Variants in KIAA0232 observed in about 807,000 individuals in gnomAD.
KIAA0232 encodes the protein uncharacterized protein KIAA0232.
In KIAA0232, 27 loss-of-function variants were observed where a neutral mutation model predicts 122.0. The ratio of observed to expected loss-of-function variants is 0.22; its 90% CI spans 0.16 to 0.31. The LOEUF (loss-of-function observed/expected upper bound fraction) is 0.31. Among genes scored for constraint, KIAA0232 ranks in the 10% least tolerant of loss-of-function variants. The pLI is 1.00. For missense variants in KIAA0232, 1,551 were observed against 1,634.2 expected (o/e 0.95, Z 0.88); for synonymous variants, 613 against 587.6 (o/e 1.04, Z -0.63).
rs758243281 is a variant in KIAA0232, at chr4:6,876,690, G to A, written c.3941G>A (p.Gly1314Asp). 1 of 1,613,034 alleles carries A rather than the reference G, an allele frequency of 6.2e-7. No homozygotes were observed. ...TACACAAATGCCAAGGGAGAGAGTG[G>A]TTTAGAAGAATATCCAGATGCTAAA... ...ECYTNAKGES[G>D]LEEYPDAKET... The change falls in exon 9 of 10, where the codon GGT becomes GAT. Residue 1314 changes from glycine (G) to aspartate (D), a missense_variant. Transcript: ENST00000307659.
At chr4:6,857,452 G>T (rs1720624312) in intron 5 of KIAA0232, among the ~76,000 whole-genome samples, 1 of 152,114 alleles carries the variant, frequency 6.6e-6, no homozygotes, top group African/African-American at 2.4e-5. Flanking sequence ...ACCAAGGGAG[G>T]GACTTAGTCC....
At position 6,862,229 on chromosome 4, in the gene KIAA0232, C is replaced by G. The variant is rs541080497; in HGVS notation, c.1847C>G (p.Pro616Arg). Reference protein sequence around the residue: ...FGGDSPVRLSPILDSTVLNSH... With the variant: ...FGGDSPVRLSRILDSTVLNSH... The stretch of plus-strand genomic sequence containing the variant: ...GGAGACTCTCCAGTTAGACTCTCTC[C>G]CATCTTAGACAGCACAGTGCTCAAT... Residue 616 changes from proline to arginine, a missense_variant, in exon 7 of 10, where the codon CCC becomes CGC. Pro to Arg is a moderately radical substitution (Grantham distance 103, BLOSUM62 -2). Coordinates refer to ENST00000307659, the MANE Select transcript of KIAA0232 (RefSeq NM_014743.3). 2.5e-6 allele frequency: 4 copies of G among 1,614,110 alleles called. No homozygotes were observed. The East Asian group carries it at 8.9e-5, about 36-fold the overall frequency.
At chr4:6,879,805 C>A in intron 9 of KIAA0232, among the ~76,000 whole-genome samples, 1 of 124,404 alleles carries the variant, frequency 8.0e-6, no homozygotes. Context: ...ACTCCCTTCC[C>A]AACACACCCA....
intron 9 of KIAA0232, among the ~76,000 whole-genome samples, chr4:6,877,279 C>T (rs949636441): frequency 3.3e-5 from 5 of 152,198 alleles, no homozygotes; most frequent in African/African-American, 9.7e-5. Flanking sequence ...ACTTGCGTTC[C>T]GTTTCTGCAT....
At chr4:6,866,467 G>A (rs1373838852) in intron 7 of KIAA0232, among the ~76,000 whole-genome samples, 4 of 152,184 alleles carry the variant, frequency 2.6e-5, no homozygotes, top group African/African-American at 7.2e-5. Flanking sequence ...GAGGCTGAGT[G>A]ACCTGAAGGG....
At chr4:6,872,989 T>C (rs2108836185) in intron 8 of KIAA0232, among the ~76,000 whole-genome samples, 1 of 152,330 alleles carries the variant, frequency 6.6e-6, no homozygotes, top group East Asian at 1.9e-4. Flanking sequence ...ATCTGGGTCA[T>C]AAGGAGAGCG....
chr4:6,831,773 C>T (rs1486619536), intron 3 of KIAA0232, among the ~76,000 whole-genome samples: 2 of 152,220 alleles, frequency 1.3e-5, no homozygotes, highest in African/African-American at 2.4e-5. Context: ...CAACCCCTTC[C>T]TCTTGCTTGG....
chr4:6,860,690 C>G (rs568150895), intron 6 of KIAA0232, among the ~76,000 whole-genome samples: 1 of 152,298 alleles, frequency 6.6e-6, no homozygotes, highest in South Asian at 2.1e-4. Context: ...GTGCGTATCA[C>G]AGTGCTGAGC....
chr4:6,799,679 GT>G (rs1717289327), intron 1 of KIAA0232, among the ~76,000 whole-genome samples: 1 of 151,918 alleles, frequency 6.6e-6, no homozygotes, highest in African/African-American at 2.4e-5. Context: ...TTTGAGATTA[GT>G]TGGGTTTTTT....
intron 2 of KIAA0232, among the ~76,000 whole-genome samples, chr4:6,818,067 A>C (rs1334822638): frequency 6.6e-6 from 1 of 152,002 alleles, no homozygotes; most frequent in Non-Finnish European, 1.5e-5. Context: ...TTTAAAGTGG[A>C]TTTTATACAC....
At chr4:6,848,372 C>T (rs1034976115) in intron 4 of KIAA0232, among the ~76,000 whole-genome samples, 1 of 152,172 alleles carries the variant, frequency 6.6e-6, no homozygotes, top group Non-Finnish European at 1.5e-5. Flanking sequence ...ATGAGTTCTA[C>T]ATCTGTGGAG....
At chr4:6,787,494 C>G (rs1716680755) in intron 1 of KIAA0232, among the ~76,000 whole-genome samples, 1 of 152,212 alleles carries the variant, frequency 6.6e-6, no homozygotes, top group Admixed American at 6.5e-5. Context: ...CATCCTTACA[C>G]AGATACAAGG....
intron 6 of KIAA0232, among the ~76,000 whole-genome samples, chr4:6,860,457 G>A (rs191431483): frequency 5.8e-4 from 88 of 152,332 alleles, no homozygotes; most frequent in Middle Eastern, 6.8e-3. Flanking sequence ...TGGGAGGTAA[G>A]TCATAGGATC....
chr4:6,824,332 A>G lies in KIAA0232; in HGVS notation c.-122A>G, dbSNP rs1329416351. On this transcript the variant is annotated 5_prime_UTR_variant, in exon 3 of 10. The change abolishes an upstream ATG in the 5' untranslated region. Coordinates refer to ENST00000307659, the MANE Select transcript of KIAA0232 (RefSeq NM_014743.3). The stretch of plus-strand genomic sequence containing the variant: ...GGTGGCTGACTACCAGCAAAAATAA[A>G]TGCTTATCCTACATGTCAAGCATCT... 1 of 823,364 alleles carries G rather than the reference A, an allele frequency of 1.2e-6. No homozygotes were observed. The highest frequency in any genetic ancestry group is 2.1e-6 in the Non-Finnish European group (1 of 486,942). 51.0% of individuals were successfully genotyped at this position (823,364 alleles called of 1,614,324 possible). A position where few individuals can be genotyped will look rare whatever the true frequency, so the allele number is the denominator to read the frequency against.
At chr4:6,825,556 C>G (rs1207397444) in intron 3 of KIAA0232, among the ~76,000 whole-genome samples, 1 of 151,616 alleles carries the variant, frequency 6.6e-6, no homozygotes, top group East Asian at 1.9e-4. Context: ...CCCTGTCTCT[C>G]TCTCGCACGC....
chr4:6,829,755 G>A (rs1229592821), intron 3 of KIAA0232, among the ~76,000 whole-genome samples: 1 of 152,176 alleles, frequency 6.6e-6, no homozygotes, highest in African/African-American at 2.4e-5. Flanking sequence ...CTCAAAAAAT[G>A]ACTAAAAGGA....
chr4:6,840,754 G>A (rs1358725244), intron 3 of KIAA0232, among the ~76,000 whole-genome samples: 2 of 146,812 alleles, frequency 1.4e-5, no homozygotes, highest in East Asian at 2.0e-4. Flanking sequence ...TCCTAACCTC[G>A]TGATCCACCC....
chr4:6,810,156 C>T (rs1344137034), intron 2 of KIAA0232, among the ~76,000 whole-genome samples: 1 of 152,160 alleles, frequency 6.6e-6, no homozygotes, highest in Non-Finnish European at 1.5e-5. Context: ...CTGGGGGTAT[C>T]ACATTACCTG....
chr4:6,859,331 C>G (rs975647875), intron 6 of KIAA0232, among the ~76,000 whole-genome samples: 1 of 151,986 alleles, frequency 6.6e-6, no homozygotes, highest in African/African-American at 2.4e-5. Flanking sequence ...TTTCGAACCT[C>G]TGAAACCTAA....
Sources: gnomAD v4.1 joint callset for allele counts (sites outside exome capture counted in the v4.1 genomes callset) on GRCh38, gnomAD v4.1.1 for gene constraint, MANE v1.5 for transcripts, NCBI Gene and HGNC (gene_info 2026-07-23, HGNC 2026-07-21) for gene names.